The following DIS3L2 variants were observed in gnomAD, a reference collection of about 807,000 sequenced individuals.
DIS3L2 encodes the protein DIS3 like 3'-5' exoribonuclease 2, also known as DIS3-like exonuclease 2.
DIS3L2 carries 34 observed loss-of-function variants against 97.5 expected under a neutral mutation model. The observed-to-expected ratio is 0.35, with a 90% confidence interval of 0.27 to 0.46. The LOEUF (loss-of-function observed/expected upper bound fraction) is 0.46. DIS3L2 is among the 20% of genes least tolerant of loss of function. The pLI is 1.00. For missense variants in DIS3L2, 1,038 were observed against 1,146.0 expected, an observed-to-expected ratio of 0.91 and a Z score of 1.36; for synonymous variants, 435 against 445.2, an observed-to-expected ratio of 0.98 and a Z score of 0.29.
chr2:232,265,353 G>A (rs1320990828), intron 13 of DIS3L2, among the ~76,000 whole-genome samples: 1 of 152,166 alleles, frequency 6.6e-6, no homozygotes, highest in Non-Finnish European at 1.5e-5. Context: ...GACCTCTTGT[G>A]ATTCTAACTA....
At chr2:232,341,307 C>T (rs989699408), downstream of DIS3L2, among the ~76,000 whole-genome samples, 14 of 152,212 alleles carry the variant, frequency 9.2e-5, no homozygotes, top group African/African-American at 2.9e-4. Context: ...CCCGGGACGT[C>T]CCACCCAGGG....
chr2:232,175,794 G>A (rs534983703), intron 9 of DIS3L2, among the ~76,000 whole-genome samples: 1 of 151,678 alleles, frequency 6.6e-6, no homozygotes, highest in Non-Finnish European at 1.5e-5. Context: ...GGCGATGGGT[G>A]GGGGGGTGGT....
chr2:232,052,140 A>T (rs1385261024), intron 5 of DIS3L2, among the ~76,000 whole-genome samples: 2 of 151,596 alleles, frequency 1.3e-5, no homozygotes, highest in African/African-American at 4.8e-5. Flanking sequence ...CTCCTGCCTC[A>T]GCCTCCCAAG....
At chr2:232,294,148 G>T (rs1202458493) in intron 13 of DIS3L2, among the ~76,000 whole-genome samples, 1 of 152,184 alleles carries the variant, frequency 6.6e-6, no homozygotes, top group Non-Finnish European at 1.5e-5. Flanking sequence ...GTACCTCATT[G>T]GCCTCGGTTG....
chr2:232,093,433 C>G (rs551385711), intron 6 of DIS3L2, among the ~76,000 whole-genome samples: 60 of 152,042 alleles, frequency 3.9e-4, no homozygotes, highest in Non-Finnish European at 6.8e-4. Context: ...CCCTTCTCCT[C>G]TGTTTTTCAG....
chr2:232,051,674 T>C (rs1695406752), intron 5 of DIS3L2, among the ~76,000 whole-genome samples: 1 of 149,370 alleles, frequency 6.7e-6, no homozygotes, highest in South Asian at 2.2e-4. Flanking sequence ...TAGCCGGGCG[T>C]AGTGGCGGGC....
intron 9 of DIS3L2, among the ~76,000 whole-genome samples, chr2:232,193,759 T>C (rs545478692): frequency 6.6e-6 from 1 of 152,316 alleles, no homozygotes; most frequent in Non-Finnish European, 1.5e-5. Context: ...TGTTGGTACA[T>C]AGACTATTAG....
rs116667225 is a variant in DIS3L2 at position 232,157,348 on chromosome 2, A to G, written c.951-6111A>G. On this transcript the variant is annotated intron_variant, in intron 8 of 20. Transcript: ENST00000325385. ...CCATGTACACTGCCTGTAGGATGCT[A>G]AATCAGAGCACCAATGCATCCTGGA... Among the ~76,000 whole-genome samples the G allele has an allele frequency of 5.4e-3, 825 of 152,262 alleles. 3 individuals are homozygous for G. Among genetic ancestry groups the G allele is most frequent in the African/African-American group, 9.4e-3 (390 of 41,524 alleles).
chr2:231,973,815 T>G (rs983608583), intron 1 of DIS3L2, among the ~76,000 whole-genome samples: 3 of 152,178 alleles, frequency 2.0e-5, no homozygotes, highest in Non-Finnish European at 4.4e-5. Flanking sequence ...CCCACAATAT[T>G]GTGAGTTTAA....
intron 13 of DIS3L2, among the ~76,000 whole-genome samples, chr2:232,274,642 G>A (rs1236889372): frequency 6.6e-6 from 1 of 152,140 alleles, no homozygotes; most frequent in Non-Finnish European, 1.5e-5. Flanking sequence ...CTTTCCCCTT[G>A]CCACTCAAGA....
At chr2:232,267,139 C>T (rs1361559973) in intron 13 of DIS3L2, among the ~76,000 whole-genome samples, 1 of 152,210 alleles carries the variant, frequency 6.6e-6, no homozygotes, top group East Asian at 1.9e-4. Flanking sequence ...TAGTGAGCCT[C>T]AGCCCTCAGG....
rs770996862 is a variant in DIS3L2 at position 232,078,036 on chromosome 2, TCTTTC to T, written c.367-9450_367-9446del. 5.2e-3 allele frequency among the ~76,000 whole-genome samples: 727 copies of T among 140,458 alleles called. 2 individuals carry two copies. The highest frequency in any genetic ancestry group is 0.011 in the East Asian group (54 of 4,862). 92.1% of individuals were successfully genotyped at this position (140,458 alleles called of 152,430 possible). A position where few individuals can be genotyped will look rare whatever the true frequency, so the allele number is the denominator to read the frequency against. ...TTCTTTCTTTTTCTCTTTCTCTTTC[TCTTTC>T]TTTTTTTTTTTTTATTTTTTGAGAT... On this transcript the variant is annotated intron_variant, in intron 5 of 20. Transcript: ENST00000325385.
chr2:232,041,761 T>C (rs1695116561), intron 5 of DIS3L2, among the ~76,000 whole-genome samples: 1 of 152,182 alleles, frequency 6.6e-6, no homozygotes, highest in African/African-American at 2.4e-5. Context: ...GGATTTCAAG[T>C]GAAACTTTTA....
At chr2:232,277,003 C>T (rs935313365) in intron 13 of DIS3L2, among the ~76,000 whole-genome samples, 2 of 152,194 alleles carry the variant, frequency 1.3e-5, no homozygotes, top group African/African-American at 4.8e-5. Flanking sequence ...ACGATGGTGG[C>T]CATCAGCAGC....
intron 5 of DIS3L2, among the ~76,000 whole-genome samples, chr2:232,053,926 G>A (rs1695475856): frequency 6.6e-6 from 1 of 152,190 alleles, no homozygotes; most frequent in East Asian, 1.9e-4. Flanking sequence ...CTTTCTGGAG[G>A]TCAGGGGGTG....
chr2:231,987,458 A>G (rs1488421073), intron 1 of DIS3L2, among the ~76,000 whole-genome samples: 1 of 152,202 alleles, frequency 6.6e-6, no homozygotes, highest in Non-Finnish European at 1.5e-5. Flanking sequence ...TAGGTTTTAT[A>G]TTTAATGTGC....
intron 14 of DIS3L2, among the ~76,000 whole-genome samples, chr2:232,308,960 A>G (rs1695053659): frequency 6.6e-6 from 1 of 152,184 alleles, no homozygotes; most frequent in Non-Finnish European, 1.5e-5. Context: ...CCCAAGCAGG[A>G]TTAATGTACG....
chr2:232,006,153 C>T (rs1259477352), intron 1 of DIS3L2, among the ~76,000 whole-genome samples: 1 of 152,144 alleles, frequency 6.6e-6, no homozygotes, highest in Non-Finnish European at 1.5e-5. Flanking sequence ...TGTCACTGCA[C>T]TCCAGCTTGG....
At chr2:232,338,252 C>T (rs1322260062), downstream of DIS3L2, among the ~76,000 whole-genome samples, 1 of 152,090 alleles carries the variant, frequency 6.6e-6, no homozygotes, top group African/African-American at 2.4e-5. Flanking sequence ...TGACCCTGTC[C>T]CCCAGGGCCT....
Sources: gnomAD v4.1 joint callset for allele counts (sites outside exome capture counted in the v4.1 genomes callset) on GRCh38, gnomAD v4.1.1 for gene constraint, MANE v1.5 for transcripts, NCBI Gene and HGNC (gene_info 2026-07-23, HGNC 2026-07-21) for gene names.